MAST2: variants seen among roughly 807,000 people sequenced by gnomAD.
MAST2 encodes microtubule-associated serine/threonine-protein kinase 2.
A neutral mutation model predicts 147.4 loss-of-function variants in MAST2; 70 were observed. The observed-to-expected ratio is 0.47, with a 90% confidence interval of 0.39 to 0.58. MAST2 has a LOEUF of 0.58. Ranked by LOEUF, MAST2 falls within the 20% of genes least tolerant of loss-of-function variation. The pLI, the probability that MAST2 is intolerant of heterozygous loss-of-function variation, is 0.00. For missense variants in MAST2, 2,080 were observed against 2,302.3 expected, an observed-to-expected ratio of 0.90 and a Z score of 1.98; for synonymous variants, 869 against 896.8, an observed-to-expected ratio of 0.97 and a Z score of 0.55.
intron 5 of MAST2, among the ~76,000 whole-genome samples, chr1:45,980,268 G>A (rs1423323491): frequency 1.2e-5 from 1 of 80,802 alleles, no homozygotes; most frequent in African/African-American, 5.7e-5. Flanking sequence ...GAGTGAGACT[G>A]TGTTTCCAAA....
chr1:45,869,231 G>T (rs1189966653), intron 3 of MAST2, among the ~76,000 whole-genome samples: 2 of 152,084 alleles, frequency 1.3e-5, no homozygotes, highest in Admixed American at 6.5e-5. Context: ...GTCATTATGG[G>T]TAACTCCAGT....
At chr1:45,942,493 T>C (rs1177642425) in intron 4 of MAST2, among the ~76,000 whole-genome samples, 3 of 152,220 alleles carry the variant, frequency 2.0e-5, no homozygotes, top group Non-Finnish European at 4.4e-5. Flanking sequence ...ATTCGGTGCT[T>C]GTACACCATT....
chr1:45,929,257 G>A (rs570894042), intron 4 of MAST2, among the ~76,000 whole-genome samples: 1 of 151,754 alleles, frequency 6.6e-6, no homozygotes, highest in Admixed American at 6.6e-5. Context: ...ACCCTTATTC[G>A]CATTGACTCA....
At position 46,029,900 on chromosome 1, in the gene MAST2, AG is replaced by A; in HGVS notation, c.2392del (p.Ala798LeufsTer34). ...GACTGGACAGGACTTCTCCGCCAGA[AG>A]GCTGAATTTATTCCTCAGTTGGAGT... ...GLDWTGLLRQ[K>X]AEFIPQLESE... On this transcript the variant is annotated frameshift_variant, in exon 20 of 29. Coordinates refer to ENST00000361297, the MANE Select transcript of MAST2 (RefSeq NM_015112.3). LOFTEE classifies it high-confidence loss of function. 6.2e-7 allele frequency: 1 copy of A among 1,614,194 alleles called. No individual in the cohort carries two copies. The highest frequency in any genetic ancestry group is 8.5e-7 in the Non-Finnish European group (1 of 1,180,020).
At chr1:45,966,964 TC>T (rs1455439889) in intron 5 of MAST2, among the ~76,000 whole-genome samples, 1 of 148,252 alleles carries the variant, frequency 6.7e-6, no homozygotes, top group Non-Finnish European at 1.5e-5. Flanking sequence ...GCTCTTAGGC[TC>T]CCAGATTTTG....
At chr1:45,968,444 G>C (rs1275951615) in intron 5 of MAST2, among the ~76,000 whole-genome samples, 1 of 147,550 alleles carries the variant, frequency 6.8e-6, no homozygotes, top group African/African-American at 2.5e-5. Flanking sequence ...AATTTCACAG[G>C]GTACAGAATT....
At position 46,027,625 on chromosome 1, in the gene MAST2, A is replaced by T. The variant is rs889811650; in HGVS notation, c.1920-106A>T. 5 of 1,240,304 alleles carry T rather than the reference A, an allele frequency of 4.0e-6. No individual in the cohort carries two copies. In the African/African-American group the frequency reaches 7.5e-5, roughly 19 times the overall value. 76.8% of individuals were successfully genotyped at this position (1,240,304 alleles called of 1,614,324 possible). ...GCTGAAGCTACCCAGCTTGTGTCTCACAGTACCCCCATGGAAGCCTGAGTG... is the reference window on the plus strand; with the variant it reads ...GCTGAAGCTACCCAGCTTGTGTCTCTCAGTACCCCCATGGAAGCCTGAGTG... On this transcript the variant is annotated intron_variant, in intron 16 of 28. Coordinates refer to ENST00000361297, the MANE Select transcript of MAST2 (RefSeq NM_015112.3).
chr1:46,019,205 A>G (rs1337036716), intron 10 of MAST2, among the ~76,000 whole-genome samples: 1 of 152,146 alleles, frequency 6.6e-6, no homozygotes. Context: ...ATCCTTCTGA[A>G]GTACTTTCTG....
intron 5 of MAST2, among the ~76,000 whole-genome samples, chr1:45,978,586 G>A (rs1435838572): frequency 6.6e-6 from 1 of 152,148 alleles, no homozygotes; most frequent in Non-Finnish European, 1.5e-5. Context: ...GGCTTAAAGA[G>A]TGACAAAACC....
rs182146424 is a variant in MAST2, at chr1:45,978,385, G to A, written c.592+18908G>A. 4.1e-4 allele frequency among the ~76,000 whole-genome samples: 63 copies of A among 152,052 alleles called. No homozygotes were observed. In the East Asian group the frequency reaches 9.7e-3, roughly 23 times the overall value. On this transcript the variant is annotated intron_variant, in intron 5 of 28. Transcript: ENST00000361297. ...AAAAAAATTAGCTGGGCATGGTGGC[G>A]CACACCTGTAATCCCAGCTACTCAG...
chr1:45,947,159 G>A (rs746832076), intron 4 of MAST2, among the ~76,000 whole-genome samples: 2 of 152,064 alleles, frequency 1.3e-5, no homozygotes, highest in African/African-American at 4.8e-5. Flanking sequence ...AATAATAGTC[G>A]CTGCTTCATA....
At chr1:45,894,869 CAGTA>C (rs903317219) in intron 4 of MAST2, among the ~76,000 whole-genome samples, 2 of 152,132 alleles carry the variant, frequency 1.3e-5, no homozygotes, top group African/African-American at 4.8e-5. Context: ...TCAAATGAAT[CAGTA>C]AGTGTTTTTT....
intron 3 of MAST2, among the ~76,000 whole-genome samples, chr1:45,854,281 G>A (rs1275380566): frequency 6.6e-6 from 1 of 151,000 alleles, no homozygotes; most frequent in African/African-American, 2.4e-5. Flanking sequence ...AGGTTGCAGT[G>A]AGCTGAGATC....
At chr1:45,815,946 C>T (rs1570190558) in intron 1 of MAST2, among the ~76,000 whole-genome samples, 2 of 152,274 alleles carry the variant, frequency 1.3e-5, no homozygotes, top group Admixed American at 1.3e-4. Context: ...CTAGTCCCTG[C>T]CACAGGACTC....
At chr1:45,976,131 C>A (rs1031358086) in intron 5 of MAST2, among the ~76,000 whole-genome samples, 1 of 152,188 alleles carries the variant, frequency 6.6e-6, no homozygotes, top group Middle Eastern at 3.4e-3. Context: ...TGCACCACCA[C>A]ACCCAGCAAA....
chr1:46,012,183 C>T (rs1557474781), intron 10 of MAST2, among the ~76,000 whole-genome samples: 1 of 152,136 alleles, frequency 6.6e-6, no homozygotes, highest in Non-Finnish European at 1.5e-5. Context: ...AGGGGTACCC[C>T]AGAGACATAT....
rs4297232 is a variant in MAST2 at position 45,927,364 on chromosome 1, G to A, written c.501-32022G>A. Among the ~76,000 whole-genome samples, 1,008 of 152,240 alleles carry A rather than the reference G, an allele frequency of 6.6e-3. 12 individuals carry two copies. The highest frequency in any genetic ancestry group is 0.023 in the African/African-American group (972 of 41,526). On this transcript the variant is annotated intron_variant, in intron 4 of 28. Coordinates refer to ENST00000361297, the MANE Select transcript of MAST2 (RefSeq NM_015112.3). The stretch of plus-strand genomic sequence containing the variant: ...GAATTTCCTCTTCCTAATAAGCCTG[G>A]GAGCGCTATGGGAGACTGGGGTCTA...
chr1:46,021,919 C>T (rs1431795535), intron 11 of MAST2, 31 bp from the exon 12 acceptor site: 13 of 1,611,578 alleles, frequency 8.1e-6, no homozygotes, highest in Non-Finnish European at 9.3e-6. Context: ...TTATATCTGT[C>T]ACCACTGACT....
At chr1:45,862,425 C>T (rs772611549) in intron 3 of MAST2, among the ~76,000 whole-genome samples, 1 of 151,124 alleles carries the variant, frequency 6.6e-6, no homozygotes, top group Non-Finnish European at 1.5e-5. Context: ...CATGATATGG[C>T]GTGTCTTGAA....
Sources: allele counts gnomAD v4.1 joint callset (sites outside exome capture counted in the v4.1 genomes callset), GRCh38; gene constraint gnomAD v4.1.1; transcripts MANE v1.5; gene names NCBI Gene and HGNC (gene_info 2026-07-23, HGNC 2026-07-21).